IQUB: variants seen among roughly 807,000 people sequenced by gnomAD.
The protein encoded by IQUB is IQ motif and ubiquitin domain containing.
IQUB carries 86 observed loss-of-function variants against 86.4 expected under a neutral mutation model. The ratio of observed to expected loss-of-function variants is 1.00; its 90% CI spans 0.84 to 1.19. IQUB has a LOEUF of 1.19. IQUB is among the 50% of genes most tolerant of loss of function. The pLI is 0.00. For synonymous variants in IQUB, 289 were observed against 304.5 expected (o/e 0.95, Z 0.53); for missense variants, 946 against 916.9 (o/e 1.03, Z -0.41).
In IQUB at chr7:123,464,878, A is replaced by T. The variant is rs776119731; in HGVS notation, c.1713T>A (p.Tyr571Ter). The change falls in exon 10 of 13, where the codon TAT (tyrosine) becomes TAA (stop). Residue 571 changes from tyrosine to a stop codon, truncating the protein, a stop_gained. Coordinates refer to ENST00000324698, the MANE Select transcript of IQUB (RefSeq NM_178827.5). LOFTEE classifies it high-confidence loss of function. Reference protein sequence around the residue: ...RKRIATLFFHYIKTPLFNPEV... With the variant: ...RKRIATLFFH ...CAGGATTAAACAGAGGTGTTTTGAT[A>T]TAATGAAAAAAGAGTGTCGCAATTC... is the stretch of plus-strand genomic sequence containing the variant. 3 of 1,605,072 alleles carry T rather than the reference A, an allele frequency of 1.9e-6. No individual in the cohort carries two copies. Among genetic ancestry groups the T allele is most frequent in the Non-Finnish European group, 2.5e-6 (3 of 1,176,672 alleles).
intron 3 of IQUB, among the ~76,000 whole-genome samples, chr7:123,506,982 A>T (rs992241258): frequency 6.6e-6 from 1 of 152,200 alleles, no homozygotes; most frequent in African/African-American, 2.4e-5. Flanking sequence ...ATTTTAAGGT[A>T]TACAAAAATG....
In IQUB at chr7:123,495,260, T is replaced by C. The variant is rs553277193; in HGVS notation, c.1234+1436A>G. ...CCATAGTAGTTGTAAATATTTACCA[T>C]AAGCTATAAATATTCCTAAAGCCAC... On this transcript the variant is annotated intron_variant, in intron 7 of 12. Coordinates refer to ENST00000324698, the MANE Select transcript of IQUB (RefSeq NM_178827.5). 5.0e-4 allele frequency among the ~76,000 whole-genome samples: 76 copies of C among 152,248 alleles called. 1 individual carries two copies. Among genetic ancestry groups the C allele is most frequent in the African/African-American group, 1.8e-3 (75 of 41,572 alleles).
At chr7:123,523,928 C>A (rs1385408277) in intron 1 of IQUB, among the ~76,000 whole-genome samples, 8 of 152,110 alleles carry the variant, frequency 5.3e-5, no homozygotes, top group African/African-American at 1.7e-4. Context: ...ATATGGCTAG[C>A]CAGTTTTCCC....
chr7:123,455,126 T>A (rs965398317), intron 12 of IQUB, among the ~76,000 whole-genome samples: 3 of 152,170 alleles, frequency 2.0e-5, no homozygotes, highest in Admixed American at 1.3e-4. Context: ...TTTAAATTGA[T>A]AATAATTGTA....
At chr7:123,492,942 C>G (rs1795536116) in intron 7 of IQUB, among the ~76,000 whole-genome samples, 1 of 152,188 alleles carries the variant, frequency 6.6e-6, no homozygotes, top group Non-Finnish European at 1.5e-5. Context: ...AAGAGCACCT[C>G]AAATTGCCCT....
In IQUB at chr7:123,486,345, A is replaced by G. The variant is rs994033644; in HGVS notation, c.1235-6375T>C. 5.9e-5 allele frequency among the ~76,000 whole-genome samples: 9 copies of G among 152,312 alleles called. 1 individual carries two copies. Among genetic ancestry groups the G allele is most frequent in the Middle Eastern group, 6.8e-3 (2 of 294 alleles). ...GAAAGACTTCTCAGCCAAATAAAAAATCCTGCACACCCTTTGAAGCCTTCC... is the reference window on the plus strand; with the variant it reads ...GAAAGACTTCTCAGCCAAATAAAAAGTCCTGCACACCCTTTGAAGCCTTCC... On this transcript the variant is annotated intron_variant, in intron 7 of 12. Coordinates refer to ENST00000324698, the MANE Select transcript of IQUB (RefSeq NM_178827.5).
chr7:123,517,391 C>A (rs1197513041), intron 1 of IQUB, among the ~76,000 whole-genome samples: 1 of 151,458 alleles, frequency 6.6e-6, no homozygotes, highest in African/African-American at 2.4e-5. Flanking sequence ...ATTAGCCGGG[C>A]GTTGTGGCAG....
intron 1 of IQUB, among the ~76,000 whole-genome samples, chr7:123,527,511 G>C (rs1029555246): frequency 6.6e-6 from 1 of 152,302 alleles, no homozygotes; most frequent in Admixed American, 6.5e-5. Flanking sequence ...TGTCCTTTCT[G>C]TTTGTTAGTT....
chr7:123,472,289 GAA>G (rs1794559995), intron 8 of IQUB, among the ~76,000 whole-genome samples: 1 of 151,576 alleles, frequency 6.6e-6, no homozygotes, highest in Admixed American at 6.6e-5. Flanking sequence ...GAAAGAAAGA[GAA>G]AGAAATTTCT....
intron 8 of IQUB, among the ~76,000 whole-genome samples, chr7:123,479,400 C>T (rs752532115): frequency 2.0e-5 from 3 of 152,026 alleles, no homozygotes; most frequent in Admixed American, 6.6e-5. Flanking sequence ...CTATTTCTCC[C>T]AGGTTGCTTA....
chr7:123,488,398 C>A (rs1795311702), intron 7 of IQUB, among the ~76,000 whole-genome samples: 1 of 150,856 alleles, frequency 6.6e-6, no homozygotes. Flanking sequence ...TACAGTAAAC[C>A]CCTACAGGTC....
chr7:123,532,517 T>A (rs1378336599), intron 1 of IQUB: 1 of 151,998 alleles, frequency 6.6e-6, no homozygotes, highest in Non-Finnish European at 1.5e-5. Context: ...TATATTCGAG[T>A]AATTCTTGGG....
At chr7:123,531,754 G>A (rs1251908880) in intron 1 of IQUB, among the ~76,000 whole-genome samples, 5 of 152,144 alleles carry the variant, frequency 3.3e-5, no homozygotes, top group Admixed American at 3.3e-4. Context: ...CATATTATCA[G>A]TAAGTACAGA....
intron 9 of IQUB, among the ~76,000 whole-genome samples, chr7:123,467,442 C>T (rs953956285): frequency 1.3e-5 from 2 of 152,088 alleles, no homozygotes; most frequent in Non-Finnish European, 1.5e-5. Context: ...CAGCTGAAAA[C>T]AAACTGCCTC....
chr7:123,508,264 CA>C (rs1425990521), intron 3 of IQUB, among the ~76,000 whole-genome samples: 1 of 152,168 alleles, frequency 6.6e-6, no homozygotes, highest in African/African-American at 2.4e-5. Flanking sequence ...CTGGATCCTC[CA>C]GAGGGACAGC....
At chr7:123,469,989 C>T (rs781758711) in intron 8 of IQUB, among the ~76,000 whole-genome samples, 6 of 152,176 alleles carry the variant, frequency 3.9e-5, no homozygotes, top group Non-Finnish European at 7.4e-5. Flanking sequence ...ATTCTCACTT[C>T]CTATTTCCAA....
Position 123,509,993 on chromosome 7 carries a change from G to T in IQUB, c.440C>A (p.Pro147His). Residue 147 changes from proline to histidine, a missense_variant, in exon 3 of 13, where the codon CCT becomes CAT. By Grantham distance (77) the Pro-to-His change is moderately conservative. Coordinates refer to ENST00000324698, the MANE Select transcript of IQUB (RefSeq NM_178827.5). ...TTTAAGAATGGTATCAACCTTAAAA[G>T]GTATTACAATTTCCTGGCCCACTGG... ...LIPVGQEIVI[P>H]FKVDTILKYL... 1.3e-6 allele frequency: 2 copies of T among 1,590,802 alleles called. No individual in the cohort carries two copies. Among genetic ancestry groups the T allele is most frequent in the Non-Finnish European group, 1.7e-6 (2 of 1,163,392 alleles).
intron 1 of IQUB, among the ~76,000 whole-genome samples, chr7:123,516,490 GAAGA>G (rs888610468): frequency 2.6e-5 from 4 of 152,084 alleles, no homozygotes; most frequent in African/African-American, 4.8e-5. Context: ...AAATCAAAAA[GAAGA>G]AAGAGGAAGA....
At chr7:123,503,176 T>C (rs746958389) in intron 4 of IQUB, 26 bp downstream of exon 4, 85 of 1,606,738 alleles carry the variant, frequency 5.3e-5, no homozygotes, top group Non-Finnish European at 7.0e-5. Flanking sequence ...AAAAATACTT[T>C]ATCTAAAAGA....
Sources: allele counts gnomAD v4.1 joint callset (sites outside exome capture counted in the v4.1 genomes callset), GRCh38; gene constraint gnomAD v4.1.1; transcripts MANE v1.5; gene names NCBI Gene and HGNC (gene_info 2026-07-23, HGNC 2026-07-21).